BCL2L15: variants seen among roughly 807,000 people sequenced by gnomAD.
The protein encoded by BCL2L15 is bcl-2-like protein 15.
BCL2L15 carries 15 observed loss-of-function variants against 18.3 expected under a neutral mutation model. The ratio of observed to expected loss-of-function variants is 0.82; its 90% CI spans 0.55 to 1.26. The LOEUF is 1.26. BCL2L15 is among the 50% of genes most tolerant of loss of function. The pLI is 0.00. For synonymous variants in BCL2L15, 58 were observed against 68.5 expected (o/e 0.85, Z 0.76); for missense variants, 180 against 201.7 (o/e 0.89, Z 0.65).
rs865826177 is a variant in BCL2L15, at chr1:113,878,208, C to T, written c.*2915G>A. On this transcript the variant is annotated 3_prime_UTR_variant, in exon 4 of 4. Transcript: ENST00000393316. Reference sequence around the variant, plus strand: ...TGTTTTATTTATCTCTCACAAAAATCTTATTAATAAGTTACCAAATCATCT... The same window carrying T: ...TGTTTTATTTATCTCTCACAAAAATTTTATTAATAAGTTACCAAATCATCT... 78 of 152,294 alleles carry T rather than the reference C, an allele frequency of 5.1e-4. No homozygotes were observed. Among genetic ancestry groups the T allele is most frequent in the African/African-American group, 1.7e-3 (70 of 41,564 alleles). 9.4% of individuals were successfully genotyped at this position (152,294 alleles called of 1,614,324 possible).
Position 113,878,304 on chromosome 1 carries a change from A to G in BCL2L15, c.*2819T>C, listed in dbSNP as rs1179261740. 1 of 152,288 alleles carries G rather than the reference A, an allele frequency of 6.6e-6. No homozygotes were observed. Among genetic ancestry groups the G allele is most frequent in the Non-Finnish European group, 1.5e-5 (1 of 68,052 alleles). The allele number at this position is 152,288 out of a possible 1,614,324, so 9.4% of individuals were successfully genotyped here. ...TTGCCCAATGTCACATAATTAGCCT[A>G]TGGTGAAACTAAAGTGTTAAAATCA... On this transcript the variant is annotated 3_prime_UTR_variant, in exon 4 of 4. Transcript: ENST00000393316.
At position 113,887,558 on chromosome 1, in the gene BCL2L15, C is replaced by G. The variant is rs2102259332; in HGVS notation, c.-183G>C. 1 of 710,514 alleles carries G rather than the reference C, an allele frequency of 1.4e-6. No homozygotes were observed. The allele number at this position is 710,514 out of a possible 1,614,324, so 44.0% of individuals were successfully genotyped here. On this transcript the variant is annotated 5_prime_UTR_variant, in exon 1 of 4. Coordinates refer to ENST00000393316, the MANE Select transcript of BCL2L15 (RefSeq NM_001010922.3). Reference sequence around the variant, plus strand: ...AGCTGCTCAGAAAGGTGGGACTTCTCAGAAGGATTACCTACTTGGAACTGG... The same window carrying G: ...AGCTGCTCAGAAAGGTGGGACTTCTGAGAAGGATTACCTACTTGGAACTGG...
Position 113,881,793 on chromosome 1 carries a change from T to C in BCL2L15, c.454A>G (p.Ile152Val). 1 of 1,614,038 alleles carries C rather than the reference T, an allele frequency of 6.2e-7. No individual in the cohort carries two copies. Among genetic ancestry groups the C allele is most frequent in the Non-Finnish European group, 8.5e-7 (1 of 1,179,992 alleles). ...CTTACCCAACCTCCCTGGCCCTGGA[T>C]GAACTCCCGGATGGCTTGGTTCCCA... ...INGNQAIREF[I>V]QGQGGWENLE... is the part of the protein sequence containing the mutation. Residue 152 changes from isoleucine (I) to valine (V), a missense_variant, in exon 3 of 4, where the codon ATC (isoleucine) becomes GTC (valine). Ile to Val is a conservative substitution (Grantham distance 29, BLOSUM62 3). Transcript: ENST00000393316.
chr1:113,881,068 C>T lies in BCL2L15; in HGVS notation c.*55G>A, dbSNP rs1176332388. ...TTTGTTTGAATTCCCAGGAATCAAT[C>T]ACCCAATCAGTCAACAAGGAAGTGA... On this transcript the variant is annotated 3_prime_UTR_variant, in exon 4 of 4. Transcript: ENST00000393316. The T allele has an allele frequency of 6.2e-7, 1 of 1,612,874 alleles. No homozygotes were observed. Among genetic ancestry groups the T allele is most frequent in the Non-Finnish European group, 8.5e-7 (1 of 1,179,042 alleles).
intron 1 of BCL2L15, 148 bp downstream of exon 1, chr1:113,887,101 T>C (rs1667060055): frequency 8.9e-6 from 6 of 677,802 alleles, no homozygotes; most frequent in East Asian, 2.8e-5. Context: ...TTTCACCACG[T>C]TGGCCAGGCG....
chr1:113,882,474 G>C (rs1435399974), intron 2 of BCL2L15, among the ~76,000 whole-genome samples: 2 of 151,920 alleles, frequency 1.3e-5, no homozygotes, highest in African/African-American at 4.8e-5. Flanking sequence ...CTGAAACCCT[G>C]TCTCTACTAA....
rs376491738 is a variant in BCL2L15, at chr1:113,881,177, T to C, written c.475-37A>G. On this transcript the variant is annotated intron_variant, in intron 3 of 3. Transcript: ENST00000393316. ...AGAGAAAATCCTACAGTCAAAGGAA[T>C]TGCTTTCAGGAACTTCCTAAGAAAC... The C allele has an allele frequency of 4.3e-6, 7 of 1,613,736 alleles. No individual in the cohort carries two copies. In the African/African-American group the frequency reaches 8.0e-5, roughly 18 times the overall value.
At chr1:113,881,353 G>T (rs1445269324) in intron 3 of BCL2L15, 9 of 1,012,660 alleles carry the variant, frequency 8.9e-6, no homozygotes, top group Non-Finnish European at 1.2e-5. Flanking sequence ...TACCACTACA[G>T]CAAAGACTGT....
Position 113,884,982 on chromosome 1 carries a change from C to T in BCL2L15, c.249+1555G>A, listed in dbSNP as rs745725742. The stretch of plus-strand genomic sequence containing the variant: ...ATTTATTTATTTTGAGAGAGGGTCT[C>T]GCTCTGTTGCCCAGGTTGGAGTGCA... On this transcript the variant is annotated intron_variant, in intron 2 of 3. Coordinates refer to ENST00000393316, the MANE Select transcript of BCL2L15 (RefSeq NM_001010922.3). 4.5e-4 allele frequency among the ~76,000 whole-genome samples: 68 copies of T among 151,726 alleles called. 1 individual carries two copies. Among genetic ancestry groups the T allele is most frequent in the Middle Eastern group, 6.8e-3 (2 of 292 alleles).
At position 113,880,719 on chromosome 1, in the gene BCL2L15, T is replaced by C. The variant is rs1185759355; in HGVS notation, c.*404A>G. The C allele has an allele frequency of 1.1e-5, 2 of 177,672 alleles. No homozygotes were observed. Among genetic ancestry groups the C allele is most frequent in the African/African-American group, 4.7e-5 (2 of 42,164 alleles). The allele number at this position is 177,672 out of a possible 1,614,324, so 11.0% of individuals were successfully genotyped here. On this transcript the variant is annotated 3_prime_UTR_variant, in exon 4 of 4. Coordinates refer to ENST00000393316, the MANE Select transcript of BCL2L15 (RefSeq NM_001010922.3). Reference sequence around the variant, plus strand: ...CACAATTCTTACCAAAAGACAGGGCTACATCTGAAGAAATAGTTTCCATTG... The same window carrying C: ...CACAATTCTTACCAAAAGACAGGGCCACATCTGAAGAAATAGTTTCCATTG...
Position 113,887,234 on chromosome 1 carries a change from G to A in BCL2L15, c.127+15C>T. On this transcript the variant is annotated intron_variant, in intron 1 of 3. Transcript: ENST00000393316. ...CTTATTGACCTGCAATCACCGCCTA[G>A]GGCAGGAACCTTACCTGAATCTACT... The A allele has an allele frequency of 1.2e-6, 2 of 1,612,466 alleles. No individual in the cohort carries two copies. The highest frequency in any genetic ancestry group is 1.7e-6 in the Non-Finnish European group (2 of 1,178,648).
chr1:113,876,867 C>T lies in BCL2L15; in HGVS notation c.*4256G>A, dbSNP rs11584821. ...AATGAATATTTTTAATATCGATGTACATGCCAGATAATGAAGAGGAGGGGT... is the reference window on the plus strand; with the variant it reads ...AATGAATATTTTTAATATCGATGTATATGCCAGATAATGAAGAGGAGGGGT... On this transcript the variant is annotated 3_prime_UTR_variant, in exon 4 of 4. Transcript: ENST00000393316. Among the ~76,000 whole-genome samples, 23,160 of 152,052 alleles carry T rather than the reference C, an allele frequency of 0.15. 1,981 individuals carry two copies. Among genetic ancestry groups the T allele is most frequent in the East Asian group, 0.21 (1,083 of 5,184 alleles).
At chr1:113,885,228 T>C (rs1386709724) in intron 2 of BCL2L15, among the ~76,000 whole-genome samples, 2 of 151,358 alleles carry the variant, frequency 1.3e-5, no homozygotes, top group Non-Finnish European at 1.5e-5. Context: ...AGTGCTGGGA[T>C]TACAGGCATG....
rs1483552041 is a variant in BCL2L15, at chr1:113,879,916, A to T, written c.*1207T>A. The T allele has an allele frequency of 6.6e-6, 1 of 152,196 alleles. No individual in the cohort carries two copies. The highest frequency in any genetic ancestry group is 1.5e-5 in the Non-Finnish European group (1 of 68,036). The allele number at this position is 152,196 out of a possible 1,614,324, so 9.4% of individuals were successfully genotyped here. ...ATTTATCAATCTATTCTCTATAGTG[A>T]TGGCTGTCACACTCTATATGTACAT... is the stretch of plus-strand genomic sequence containing the variant. On this transcript the variant is annotated 3_prime_UTR_variant, in exon 4 of 4. Coordinates refer to ENST00000393316, the MANE Select transcript of BCL2L15 (RefSeq NM_001010922.3).
In BCL2L15 at chr1:113,880,857, T is replaced by G; in HGVS notation, c.*266A>C. 2 of 522,822 alleles carry G rather than the reference T, an allele frequency of 3.8e-6. No homozygotes were observed. Among genetic ancestry groups the G allele is most frequent in the South Asian group, 4.6e-5 (2 of 43,744 alleles). The allele number at this position is 522,822 out of a possible 1,614,324, so 32.4% of individuals were successfully genotyped here. A position where few individuals can be genotyped will look rare whatever the true frequency, so the allele number is the denominator to read the frequency against. ...GGGTCTTTGCTTCAACAGAACCTCATTAAAACTCATGTGAAAACAGAAAGT... is the reference window on the plus strand; with the variant it reads ...GGGTCTTTGCTTCAACAGAACCTCAGTAAAACTCATGTGAAAACAGAAAGT... On this transcript the variant is annotated 3_prime_UTR_variant, in exon 4 of 4. Coordinates refer to ENST00000393316, the MANE Select transcript of BCL2L15 (RefSeq NM_001010922.3).
At position 113,886,591 on chromosome 1, in the gene BCL2L15, G is replaced by C. The variant is rs75493886; in HGVS notation, c.195C>G (p.Asn65Lys). Residue 65 changes from asparagine (N) to lysine (K), a missense_variant, in exon 2 of 4, where the codon AAC becomes AAG. By Grantham distance (94) the Asn-to-Lys change is moderately conservative. Transcript: ENST00000393316. ...TTTTGGCAGAAGCTTCCAATTCTCCGTTGAACTGGTCACCCAACATCCGAA... is the reference window on the plus strand; with the variant it reads ...TTTTGGCAGAAGCTTCCAATTCTCCCTTGAACTGGTCACCCAACATCCGAA... ...GRLRMLGDQFNGELEASAKNV... is the reference protein window; with the variant it reads ...GRLRMLGDQFKGELEASAKNV... The C allele has an allele frequency of 1.2e-6, 2 of 1,613,862 alleles. No homozygotes were observed. The highest frequency in any genetic ancestry group is 1.7e-5 in the Admixed American group (1 of 59,954).
At position 113,877,920 on chromosome 1, in the gene BCL2L15, T is replaced by C. The variant is rs1450262397; in HGVS notation, c.*3203A>G. 1.3e-5 allele frequency among the ~76,000 whole-genome samples: 2 copies of C among 151,978 alleles called. No individual in the cohort carries two copies. The highest frequency in any genetic ancestry group is 4.8e-5 in the African/African-American group (2 of 41,360). ...AGTTGTATCGCAAACAGGGAGAGTA[T>C]GGGGATAAGAAAGGTACACATAAAT... On this transcript the variant is annotated 3_prime_UTR_variant, in exon 4 of 4. Coordinates refer to ENST00000393316, the MANE Select transcript of BCL2L15 (RefSeq NM_001010922.3).
Position 113,886,559 on chromosome 1 carries a change from A to C in BCL2L15, c.227T>G (p.Ile76Ser), listed in dbSNP as rs1325407687. The change falls in exon 2 of 4, where the codon ATT (isoleucine) becomes AGT (serine). Residue 76 changes from isoleucine (I) to serine (S), a missense_variant. Transcript: ENST00000393316. ...GACCTGTCCCTTAATGGTTTCTGCA[A>C]TGACGTTTTTGGCAGAAGCTTCCAA... ...GELEASAKNVIAETIKGQTGA... is the reference protein window; with the variant it reads ...GELEASAKNVSAETIKGQTGA... The C allele has an allele frequency of 6.2e-7, 1 of 1,613,490 alleles. No homozygotes were observed. Among genetic ancestry groups the C allele is most frequent in the Non-Finnish European group, 8.5e-7 (1 of 1,179,890 alleles).
Position 113,879,605 on chromosome 1 carries a change from C to A in BCL2L15, c.*1518G>T, listed in dbSNP as rs555424211. The A allele has an allele frequency of 6.6e-6, 1 of 152,312 alleles. No homozygotes were observed. Among genetic ancestry groups the A allele is most frequent in the East Asian group, 1.9e-4 (1 of 5,250 alleles). 9.4% of individuals were successfully genotyped at this position (152,312 alleles called of 1,614,324 possible). A position where few individuals can be genotyped will look rare whatever the true frequency, so the allele number is the denominator to read the frequency against. The stretch of plus-strand genomic sequence containing the variant: ...GAGTTAAATATCTTTGAGTTTAAAC[C>A]CTATCTACAGCTGTGTTTGCTGGAA... On this transcript the variant is annotated 3_prime_UTR_variant, in exon 4 of 4. Transcript: ENST00000393316.
Sources: allele counts gnomAD v4.1 joint callset (sites outside exome capture counted in the v4.1 genomes callset), GRCh38; gene constraint gnomAD v4.1.1; transcripts MANE v1.5; gene names NCBI Gene and HGNC (gene_info 2026-07-23, HGNC 2026-07-21).